Variants in COL4A3 observed in about 807,000 individuals in gnomAD.
The protein encoded by COL4A3 is collagen type IV alpha 3 chain.
COL4A3 carries 135 observed loss-of-function variants against 217.4 expected under a neutral mutation model. The observed-to-expected ratio is 0.62, with a 90% CI of 0.54 to 0.72. COL4A3 has a LOEUF of 0.72. COL4A3 is among the 30% of genes least tolerant of loss of function. The probability of loss-of-function intolerance (pLI) is 0.00; values close to 1 mark genes in which losing one functional copy is unlikely to be tolerated. For synonymous variants in COL4A3, 690 were observed against 736.3 expected, an observed-to-expected ratio of 0.94 and a Z score of 1.02; for missense variants, 1,868 against 2,119.9, an observed-to-expected ratio of 0.88 and a Z score of 2.33.
intron 1 of COL4A3, among the ~76,000 whole-genome samples, chr2:227,179,876 T>A (rs1171790556): frequency 6.6e-6 from 1 of 151,858 alleles, no homozygotes; most frequent in African/African-American, 2.4e-5. Context: ...TTGAGTGGAG[T>A]TGAGAGGAGG....
At chr2:227,249,127 T>C (rs2069542371) in intron 9 of COL4A3, among the ~76,000 whole-genome samples, 3 of 146,176 alleles carry the variant, frequency 2.1e-5, no homozygotes, top group African/African-American at 7.6e-5. Context: ...TGTGCTTTCC[T>C]TTGTGATTCA....
intron 1 of COL4A3, among the ~76,000 whole-genome samples, chr2:227,207,979 C>T (rs1208939263): frequency 6.6e-6 from 1 of 152,108 alleles, no homozygotes; most frequent in Non-Finnish European, 1.5e-5. Flanking sequence ...ATGCATTCTC[C>T]TCTTAGAAAA....
chr2:227,254,168 A>AC lies in COL4A3; in HGVS notation c.825dup (p.Ser276LeufsTer11). On this transcript the variant is annotated frameshift_variant, in exon 14 of 52. Coordinates refer to ENST00000396578, the MANE Select transcript of COL4A3 (RefSeq NM_000091.5). LOFTEE classifies it high-confidence loss of function. ...CAATGGGCGAGCCTGGACCTCCTGGACCCTCAGTAGGTTATTTAAAGTTAT... is the reference window on the plus strand; with the variant it reads ...CAATGGGCGAGCCTGGACCTCCTGGACCCCTCAGTAGGTTATTTAAAGTTAT... 6.2e-7 allele frequency: 1 copy of AC among 1,613,498 alleles called. No homozygotes were observed. The highest frequency in any genetic ancestry group is 8.5e-7 in the Non-Finnish European group (1 of 1,179,492).
chr2:227,211,055 C>A (rs1043532510), intron 1 of COL4A3, among the ~76,000 whole-genome samples: 1 of 152,144 alleles, frequency 6.6e-6, no homozygotes, highest in African/African-American at 2.4e-5. Context: ...GGCTGGAGTG[C>A]AGTGGTGCAA....
At chr2:227,168,407 T>G (rs780022386) in intron 1 of COL4A3, among the ~76,000 whole-genome samples, 1 of 152,244 alleles carries the variant, frequency 6.6e-6, no homozygotes, top group Non-Finnish European at 1.5e-5. Context: ...ACTTTTTTCT[T>G]TTTTAATTGG....
chr2:227,265,900 A>G (rs2070858137), intron 21 of COL4A3: 2 of 159,104 alleles, frequency 1.3e-5, no homozygotes, highest in South Asian at 3.6e-4. Context: ...AGAAGCAAAC[A>G]TGTCCTTCTT....
chr2:227,181,537 A>G (rs1272369228), intron 1 of COL4A3, among the ~76,000 whole-genome samples: 1 of 152,228 alleles, frequency 6.6e-6, no homozygotes, highest in East Asian at 1.9e-4. Flanking sequence ...TATATAGATA[A>G]AAGTAAAAAC....
chr2:227,241,733 A>C (rs535381965), intron 3 of COL4A3, among the ~76,000 whole-genome samples: 34 of 152,218 alleles, frequency 2.2e-4, no homozygotes, highest in Middle Eastern at 3.4e-3. Context: ...GAAATATGTA[A>C]ATGATAATCA....
intron 47 of COL4A3, among the ~76,000 whole-genome samples, chr2:227,305,806 G>A (rs951960161): frequency 1.3e-5 from 2 of 152,140 alleles, no homozygotes; most frequent in African/African-American, 4.8e-5. Flanking sequence ...ACCTTCTGCA[G>A]ATGTTTCAAA....
chr2:227,278,099 C>T (rs1398045843), intron 28 of COL4A3, among the ~76,000 whole-genome samples: 3 of 150,038 alleles, frequency 2.0e-5, no homozygotes, highest in Non-Finnish European at 3.0e-5. Flanking sequence ...TCAGTAAATG[C>T]CTGCACATTT....
At chr2:227,184,140 C>A (rs1272705839) in intron 1 of COL4A3, among the ~76,000 whole-genome samples, 1 of 152,188 alleles carries the variant, frequency 6.6e-6, no homozygotes, top group Non-Finnish European at 1.5e-5. Context: ...GGTGGTTCAG[C>A]AACCTTCTGC....
intron 1 of COL4A3, among the ~76,000 whole-genome samples, chr2:227,177,698 T>C (rs1249458914): frequency 2.0e-5 from 3 of 152,176 alleles, no homozygotes; most frequent in African/African-American, 2.4e-5. Flanking sequence ...TTTTAAATTG[T>C]GCACCGTTCT....
intron 2 of COL4A3, among the ~76,000 whole-genome samples, chr2:227,238,955 A>G (rs984410099): frequency 2.0e-5 from 3 of 152,244 alleles, no homozygotes; most frequent in Non-Finnish European, 4.4e-5. Flanking sequence ...AAAGTAACTG[A>G]GTAGCGAGAG....
In COL4A3 at chr2:227,282,353, A is replaced by G; in HGVS notation, c.2489-12A>G. 6.2e-7 allele frequency: 1 copy of G among 1,609,488 alleles called. No individual in the cohort carries two copies. Among genetic ancestry groups the G allele is most frequent in the South Asian group, 1.1e-5 (1 of 90,998 alleles). On this transcript the variant is annotated splice_polypyrimidine_tract_variant and intron_variant, in intron 31 of 51. Transcript: ENST00000396578. The surrounding 1 kb of genome is among the most constrained non-coding windows in gnomAD (Gnocchi z 4.4). Reference sequence around the variant, plus strand: ...TGTGGGTTAATTAATTCATTCATTTATTCGTACACAGGCAGAAGAGGTAAA... The same window carrying G: ...TGTGGGTTAATTAATTCATTCATTTGTTCGTACACAGGCAGAAGAGGTAAA...
At chr2:227,256,100 G>A (rs756357494) in intron 16 of COL4A3, 30 bp downstream of exon 16, 37 of 1,602,500 alleles carry the variant, frequency 2.3e-5, no homozygotes, top group African/African-American at 4.0e-5. Context: ...TATGGAGGTA[G>A]TAAAAATGTC....
chr2:227,253,554 T>G lies in COL4A3; in HGVS notation c.688-7T>G. On this transcript the variant is annotated splice_region_variant and splice_polypyrimidine_tract_variant and intron_variant, in intron 12 of 51. Coordinates refer to ENST00000396578, the MANE Select transcript of COL4A3 (RefSeq NM_000091.5). The surrounding 1 kb of genome is among the most constrained non-coding windows in gnomAD (Gnocchi z 4.4). ...ATTTTCTCACTCCTGAGTGTTTTTG[T>G]CTTTAGGGTGTGAAAGGGTTAACAG... 2 of 1,612,272 alleles carry G rather than the reference T, an allele frequency of 1.2e-6. No homozygotes were observed. Among genetic ancestry groups the G allele is most frequent in the Non-Finnish European group, 1.7e-6 (2 of 1,178,262 alleles).
intron 1 of COL4A3, among the ~76,000 whole-genome samples, chr2:227,176,367 A>G (rs148360012): frequency 6.6e-6 from 1 of 152,302 alleles, no homozygotes; most frequent in Non-Finnish European, 1.5e-5. Flanking sequence ...GTACATATAA[A>G]TTTGCACACA....
At chr2:227,212,807 A>G (rs1005946746) in intron 1 of COL4A3, among the ~76,000 whole-genome samples, 5 of 152,226 alleles carry the variant, frequency 3.3e-5, no homozygotes, top group African/African-American at 1.2e-4. Context: ...GTCTTACAGC[A>G]AAAAGAATAT....
intron 3 of COL4A3, among the ~76,000 whole-genome samples, chr2:227,242,394 G>A (rs935922739): frequency 9.2e-5 from 14 of 152,216 alleles, no homozygotes; most frequent in African/African-American, 1.2e-4. Context: ...GTCCTGGAAC[G>A]TGAACGTTCA....
Sources: gnomAD v4.1 joint callset for allele counts (sites outside exome capture counted in the v4.1 genomes callset) on GRCh38, gnomAD v4.1.1 for gene constraint, Gnocchi (gnomAD v3.1) non-coding constraint, MANE v1.5 for transcripts, NCBI Gene and HGNC (gene_info 2026-07-23, HGNC 2026-07-21) for gene names.